LAMA4: variants seen among roughly 807,000 people sequenced by gnomAD.
LAMA4 encodes the protein laminin subunit alpha 4, also known as laminin subunit alpha-4.
LAMA4 carries 127 observed loss-of-function variants against 207.1 expected under a neutral mutation model. The observed-to-expected ratio is 0.61, with a 90% CI of 0.53 to 0.71. The LOEUF is 0.71. Among genes scored for constraint, LAMA4 ranks in the 30% least tolerant of loss-of-function variants. The probability of loss-of-function intolerance (pLI) is 0.00; values close to 1 mark genes in which losing one functional copy is unlikely to be tolerated. For synonymous variants in LAMA4, 761 were observed against 816.0 expected (o/e 0.93, Z 1.15); for missense variants, 2,093 against 2,246.5 (o/e 0.93, Z 1.38).
intron 10 of LAMA4, among the ~76,000 whole-genome samples, chr6:112,177,280 C>G (rs1467713079): frequency 6.6e-6 from 1 of 152,128 alleles, no homozygotes; most frequent in Non-Finnish European, 1.5e-5. Flanking sequence ...CCTTTGCATG[C>G]AATATGCCCC....
rs1270033366 is a variant in LAMA4 at position 112,120,412 on chromosome 6, T to C, written c.4536A>G (p.Ser1512=). 3 of 1,613,890 alleles carry C rather than the reference T, an allele frequency of 1.9e-6. No homozygotes were observed. The highest frequency in any genetic ancestry group is 2.5e-6 in the Non-Finnish European group (3 of 1,179,792). Residue 1512 remains serine, a synonymous_variant, in exon 33 of 39, where the codon TCA becomes TCG. Transcript: ENST00000230538. ...RSSHGMIFYV[S]DQEENDFMTL... ...TCATGAAGTCATTCTCTTCTTGATC[T>C]GAGACATAGAAGATCATGCCATGGG...
chr6:112,242,219 A>AGT (rs1309599070), intron 2 of LAMA4, among the ~76,000 whole-genome samples: 2 of 152,216 alleles, frequency 1.3e-5, no homozygotes, highest in East Asian at 3.9e-4. Context: ...CTGAGCACCC[A>AGT]GTGTGTGTGT....
At chr6:112,190,981 TTTCTTTC>T (rs1554348820) in intron 6 of LAMA4, among the ~76,000 whole-genome samples, 1 of 146,022 alleles carries the variant, frequency 6.8e-6, no homozygotes, top group East Asian at 2.1e-4. Flanking sequence ...TCTTTCTTTC[TTTCTTTC>T]CTCTTTCTTT....
At chr6:112,253,154 C>T (rs143284656) in intron 2 of LAMA4, among the ~76,000 whole-genome samples, 3 of 152,264 alleles carry the variant, frequency 2.0e-5, no homozygotes, top group Non-Finnish European at 4.4e-5. Context: ...TTCCCATGAA[C>T]TTAGGTGACT....
Position 112,141,436 on chromosome 6 carries a change from G to T in LAMA4, c.2735C>A (p.Thr912Asn). ...GTCCAGGGGAATCTCCACATCTTTAGTTCCCAAATTATAGACGTATACCAG... is the reference window on the plus strand; with the variant it reads ...GTCCAGGGGAATCTCCACATCTTTATTTCCCAAATTATAGACGTATACCAG... ...DNLVYVYNLGTKDVEIPLDSK... is the reference protein window; with the variant it reads ...DNLVYVYNLGNKDVEIPLDSK... The change falls in exon 21 of 39, where the codon ACT becomes AAT. Residue 912 changes from threonine (T) to asparagine (N), a missense_variant. Physicochemically the swap from Thr to Asn is moderately conservative, Grantham distance 65. Coordinates refer to ENST00000230538, the MANE Select transcript of LAMA4 (RefSeq NM_001105206.3). 6.2e-7 allele frequency: 1 copy of T among 1,612,484 alleles called. No individual in the cohort carries two copies. The highest frequency in any genetic ancestry group is 8.5e-7 in the Non-Finnish European group (1 of 1,178,532).
chr6:112,213,478 T>C (rs1419156686), intron 3 of LAMA4: 1 of 152,290 alleles, frequency 6.6e-6, no homozygotes, highest in African/African-American at 2.4e-5. Flanking sequence ...CTGAGAATCC[T>C]GTCCAATGTG....
At chr6:112,223,626 T>G (rs1433899302) in intron 2 of LAMA4, among the ~76,000 whole-genome samples, 3 of 152,174 alleles carry the variant, frequency 2.0e-5, no homozygotes, top group African/African-American at 7.2e-5. Context: ...GGAAGGCAGT[T>G]GGGTTGTTTC....
chr6:112,198,280 C>T (rs1198273720), intron 5 of LAMA4, among the ~76,000 whole-genome samples: 3 of 152,170 alleles, frequency 2.0e-5, no homozygotes, highest in Non-Finnish European at 4.4e-5. Context: ...AAAACCACCA[C>T]TTGACTCAAT....
intron 9 of LAMA4, among the ~76,000 whole-genome samples, chr6:112,181,602 C>G (rs1302237017): frequency 6.6e-6 from 1 of 152,168 alleles, no homozygotes; most frequent in Non-Finnish European, 1.5e-5. Context: ...CCAATACTCA[C>G]CTTCTCTGAG....
intron 2 of LAMA4, among the ~76,000 whole-genome samples, chr6:112,239,786 G>A (rs1309583500): frequency 1.3e-5 from 2 of 152,040 alleles, no homozygotes; most frequent in African/African-American, 4.8e-5. Context: ...TTTTGAGGCC[G>A]GGTGCGGTGG....
intron 3 of LAMA4, among the ~76,000 whole-genome samples, chr6:112,211,425 T>G (rs782778165): frequency 6.6e-6 from 1 of 152,208 alleles, no homozygotes; most frequent in Non-Finnish European, 1.5e-5. Context: ...AGTAACCTAT[T>G]CATTCATTCA....
At chr6:112,227,235 T>C (rs1554362833) in intron 2 of LAMA4, among the ~76,000 whole-genome samples, 1 of 151,990 alleles carries the variant, frequency 6.6e-6, no homozygotes, top group Non-Finnish European at 1.5e-5. Context: ...CATGCCAGGC[T>C]AATTTTTGTA....
chr6:112,120,825 G>A (rs1395761864), intron 32 of LAMA4, among the ~76,000 whole-genome samples: 1 of 152,114 alleles, frequency 6.6e-6, no homozygotes, highest in Admixed American at 6.5e-5. Flanking sequence ...GAGCCTGGGA[G>A]TTCAAGACCA....
chr6:112,148,696 TAAAG>T (rs1246288631), intron 17 of LAMA4, among the ~76,000 whole-genome samples: 1 of 109,300 alleles, frequency 9.1e-6, no homozygotes, highest in African/African-American at 3.7e-5. Flanking sequence ...AGTTAATCAA[TAAAG>T]AAAGATATTT....
intron 10 of LAMA4, among the ~76,000 whole-genome samples, chr6:112,176,041 G>A (rs1554343614): frequency 6.6e-6 from 1 of 152,182 alleles, no homozygotes; most frequent in East Asian, 1.9e-4. Context: ...TTATTTCACA[G>A]GCTAAATACA....
chr6:112,122,238 A>T, intron 31 of LAMA4, 37 bp from the exon 32 acceptor site: 1 of 1,520,648 alleles, frequency 6.6e-7, no homozygotes, highest in East Asian at 2.3e-5. Context: ...TAAAAGTGAC[A>T]TACTAGCAGC....
chr6:112,130,201 G>C, intron 29 of LAMA4, 161 bp from the exon 30 acceptor site: 1 of 636,412 alleles, frequency 1.6e-6, no homozygotes. Flanking sequence ...AGGATAAAAT[G>C]GTTGGATATT....
chr6:112,134,675 A>G, intron 25 of LAMA4, 66 bp from the exon 26 acceptor site: 4 of 1,266,990 alleles, frequency 3.2e-6, no homozygotes, highest in Non-Finnish European at 4.5e-6. Context: ...GATGACTTCT[A>G]TATATTTTAA....
chr6:112,171,720 A>C (rs1781726915), intron 12 of LAMA4: 1 of 153,484 alleles, frequency 6.5e-6, no homozygotes, highest in African/African-American at 2.4e-5. Flanking sequence ...TTATTCTAAA[A>C]AATATTGGCT....
Sources: gnomAD v4.1 joint callset for allele counts (sites outside exome capture counted in the v4.1 genomes callset) on GRCh38, gnomAD v4.1.1 for gene constraint, MANE v1.5 for transcripts, NCBI Gene and HGNC (gene_info 2026-07-23, HGNC 2026-07-21) for gene names.